CABIN1: variants seen among roughly 807,000 people sequenced by gnomAD.
CABIN1 encodes calcineurin binding protein 1.
CABIN1 carries 133 observed loss-of-function variants against 227.7 expected under a neutral mutation model. That is an observed-to-expected ratio of 0.58 (90% CI 0.51 to 0.67). The LOEUF (loss-of-function observed/expected upper bound fraction) is 0.67, where lower values mean the gene tolerates loss of function less well. CABIN1 is among the 30% of genes least tolerant of loss of function. CABIN1 has a pLI of 0.00. For missense variants in CABIN1, 2,408 were observed against 2,852.5 expected (o/e 0.84, Z 3.55); for synonymous variants, 1,086 against 1,155.1 (o/e 0.94, Z 1.21).
At chr22:24,023,992 C>A (rs144044698) in intron 1 of CABIN1, among the ~76,000 whole-genome samples, 1 of 152,122 alleles carries the variant, frequency 6.6e-6, no homozygotes, top group East Asian at 1.9e-4. Context: ...CTCAGCCTCC[C>A]AAAGTGCTAG....
At chr22:24,024,624 T>C (rs907715761) in intron 1 of CABIN1, among the ~76,000 whole-genome samples, 3 of 152,182 alleles carry the variant, frequency 2.0e-5, no homozygotes, top group Non-Finnish European at 4.4e-5. Flanking sequence ...CTTTCTCTCT[T>C]CTCCCTCAGA....
At chr22:24,118,144 A>T (rs1305196240) in intron 27 of CABIN1, among the ~76,000 whole-genome samples, 2 of 151,930 alleles carry the variant, frequency 1.3e-5, no homozygotes, top group Admixed American at 1.3e-4. Flanking sequence ...TGCCAACACC[A>T]CTGGGGGCAG....
At chr22:24,083,092 C>T in intron 19 of CABIN1, 136 bp from the exon 20 acceptor site, 1 of 839,314 alleles carries the variant, frequency 1.2e-6, no homozygotes. Context: ...GGAATCAAGT[C>T]ATGCAGGAGC....
In CABIN1 at chr22:24,018,480, C is replaced by T. The variant is rs141787507; in HGVS notation, c.-75+7113C>T. Among the ~76,000 whole-genome samples the T allele has an allele frequency of 1.7e-3, 253 of 152,216 alleles. 1 individual carries two copies. Among genetic ancestry groups the T allele is most frequent in the African/African-American group, 5.6e-3 (231 of 41,544 alleles). On this transcript the variant is annotated intron_variant, in intron 1 of 36. Coordinates refer to ENST00000263119, the MANE Select transcript of CABIN1 (RefSeq NM_012295.4). Reference sequence around the variant, plus strand: ...ATCATTTAGATTTCTAATTCATTTGCAAGTTTATTCTTGTGAGTTATCTTT... The same window carrying T: ...ATCATTTAGATTTCTAATTCATTTGTAAGTTTATTCTTGTGAGTTATCTTT...
intron 33 of CABIN1, among the ~76,000 whole-genome samples, chr22:24,169,162 A>G (rs533771508): frequency 5.3e-5 from 8 of 152,088 alleles, no homozygotes; most frequent in African/African-American, 1.9e-4. Context: ...GAGGGCTGGG[A>G]TCAGAATTCA....
At chr22:24,151,449 G>A (rs1323495024) in intron 29 of CABIN1, among the ~76,000 whole-genome samples, 2 of 152,162 alleles carry the variant, frequency 1.3e-5, no homozygotes, top group African/African-American at 4.8e-5. Context: ...GTCAGAAGAT[G>A]GATCGACTGC....
intron 16 of CABIN1, among the ~76,000 whole-genome samples, chr22:24,068,720 G>A (rs752535160): frequency 2.0e-5 from 3 of 151,968 alleles, no homozygotes; most frequent in Admixed American, 6.6e-5. Flanking sequence ...TTTCCCAATT[G>A]TTTGCTTTTA....
At position 24,096,091 on chromosome 22, in the gene CABIN1, C is replaced by T; in HGVS notation, c.3938+9C>T. 1.9e-6 allele frequency: 3 copies of T among 1,613,998 alleles called. No homozygotes were observed. In the South Asian group the frequency reaches 3.3e-5, roughly 18 times the overall value. ...CCCAAAGCTTCAGAAAAGTGAGTAG[C>T]ACCCTTCAGGCGACCCCTAGCAGCT... On this transcript the variant is annotated intron_variant, in intron 25 of 36. Coordinates refer to ENST00000263119, the MANE Select transcript of CABIN1 (RefSeq NM_012295.4).
chr22:24,015,367 C>T (rs1247007920), intron 1 of CABIN1, among the ~76,000 whole-genome samples: 9 of 143,164 alleles, frequency 6.3e-5, no homozygotes, highest in Admixed American at 4.2e-4. Flanking sequence ...TTTTTTGAGA[C>T]GGAGTCTCGC....
At chr22:24,084,958 T>G in intron 21 of CABIN1, 48 bp from the exon 22 acceptor site, 2 of 1,612,612 alleles carry the variant, frequency 1.2e-6, no homozygotes, top group South Asian at 2.2e-5. Context: ...TGGTCACATC[T>G]GAGTCCTTGA....
At chr22:24,151,231 A>G (rs1372543333) in intron 29 of CABIN1, among the ~76,000 whole-genome samples, 46 of 152,156 alleles carry the variant, frequency 3.0e-4, no homozygotes, top group Admixed American at 2.9e-3. Flanking sequence ...AAGGGGGTCT[A>G]TCTGACAAAG....
rs117879970 is a variant in CABIN1, at chr22:24,041,440, A to G, written c.345+167A>G. On this transcript the variant is annotated intron_variant, in intron 5 of 36. Coordinates refer to ENST00000263119, the MANE Select transcript of CABIN1 (RefSeq NM_012295.4). The stretch of plus-strand genomic sequence containing the variant: ...CCATAGGTGATAACAATTAGTACTG[A>G]CCAGGCCTGGAGAGCAGGGGCTGGG... Among the ~76,000 whole-genome samples, 774 of 152,150 alleles carry G rather than the reference A, an allele frequency of 5.1e-3. 2 individuals are homozygous for G. Among genetic ancestry groups the G allele is most frequent in the Non-Finnish European group, 8.4e-3 (572 of 67,964 alleles).
At chr22:24,073,049 G>C (rs933525451) in intron 18 of CABIN1, among the ~76,000 whole-genome samples, 4 of 152,200 alleles carry the variant, frequency 2.6e-5, no homozygotes, top group Admixed American at 6.5e-5. Flanking sequence ...GAATCACCAT[G>C]GTGGGTCAGT....
intron 8 of CABIN1, among the ~76,000 whole-genome samples, chr22:24,052,401 C>G (rs2038405905): frequency 6.6e-6 from 1 of 151,890 alleles, no homozygotes; most frequent in Non-Finnish European, 1.5e-5. Context: ...TTTAAAGAGC[C>G]AGAGAGTAAA....
At chr22:24,087,259 A>G (rs1214190434) in intron 22 of CABIN1, among the ~76,000 whole-genome samples, 193 bp from the exon 23 acceptor site, 1 of 152,242 alleles carries the variant, frequency 6.6e-6, no homozygotes, top group Non-Finnish European at 1.5e-5. Context: ...GTCACAGGTT[A>G]GGAATGAAGG....
At chr22:24,124,277 A>G (rs907952163) in intron 28 of CABIN1, among the ~76,000 whole-genome samples, 13 of 152,198 alleles carry the variant, frequency 8.5e-5, no homozygotes, top group Admixed American at 4.6e-4. Context: ...TCAGCCAACA[A>G]TCCTTCTCAC....
chr22:24,122,161 A>G (rs73167537), intron 28 of CABIN1, among the ~76,000 whole-genome samples: 12,969 of 151,324 alleles, frequency 0.086, 688 homozygotes, highest in East Asian at 0.3. Context: ...CTGTTATTAC[A>G]GCCTGCCCCT....
chr22:24,035,413 C>T, intron 1 of CABIN1, 31 bp from the exon 2 acceptor site: 1 of 1,488,132 alleles, frequency 6.7e-7, no homozygotes, highest in Non-Finnish European at 9.4e-7. Flanking sequence ...CTTCATAGGC[C>T]TTGTCTCAGT....
At chr22:24,141,605 C>A (rs1444082940) in intron 29 of CABIN1, among the ~76,000 whole-genome samples, 4 of 152,166 alleles carry the variant, frequency 2.6e-5, no homozygotes, top group African/African-American at 9.7e-5. Flanking sequence ...CACCCCCTCC[C>A]AGGACTCAGA....
Sources: gnomAD v4.1 joint callset for allele counts (sites outside exome capture counted in the v4.1 genomes callset) on GRCh38, gnomAD v4.1.1 for gene constraint, MANE v1.5 for transcripts, NCBI Gene and HGNC (gene_info 2026-07-23, HGNC 2026-07-21) for gene names.